CSMD2: variants seen among roughly 807,000 people sequenced by gnomAD.
The protein encoded by CSMD2 is CUB and Sushi multiple domains 2.
In CSMD2, 130 loss-of-function variants were observed where a neutral mutation model predicts 398.5. The observed-to-expected ratio is 0.33, with a 90% confidence interval of 0.28 to 0.38. The LOEUF (loss-of-function observed/expected upper bound fraction) is 0.38. Ranked by LOEUF, CSMD2 falls within the 10% of genes least tolerant of loss-of-function variation. The pLI, the probability that CSMD2 is intolerant of heterozygous loss-of-function variation, is 1.00. For missense variants in CSMD2, 3,829 were observed against 4,764.9 expected (o/e 0.80, Z 5.78); for synonymous variants, 1,828 against 1,908.5 (o/e 0.96, Z 1.10).
In CSMD2 at chr1:33,537,879, A is replaced by G. The variant is rs577587248; in HGVS notation, c.9632-270T>C. Among the ~76,000 whole-genome samples the G allele has an allele frequency of 6.6e-6, 1 of 152,366 alleles. No individual in the cohort carries two copies. The highest frequency in any genetic ancestry group is 2.4e-5 in the African/African-American group (1 of 41,588). On this transcript the variant is annotated intron_variant, in intron 60 of 70. Coordinates refer to ENST00000373381, the MANE Select transcript of CSMD2 (RefSeq NM_001281956.2). The surrounding 1 kb of genome is among the most constrained non-coding windows in gnomAD (Gnocchi z 4.6). Reference sequence around the variant, plus strand: ...GAAGTTTAGAACATGAAAGAGAAATAAACGAAAATCCCACTATTCAAAACT... The same window carrying G: ...GAAGTTTAGAACATGAAAGAGAAATGAACGAAAATCCCACTATTCAAAACT...
intron 3 of CSMD2, among the ~76,000 whole-genome samples, chr1:34,019,153 T>C (rs1023744883): frequency 3.3e-5 from 5 of 152,214 alleles, no homozygotes. Flanking sequence ...GTAAGGCACT[T>C]AGAAGAGTGC....
intron 9 of CSMD2, among the ~76,000 whole-genome samples, chr1:33,818,022 TCTC>T (rs1320982893): frequency 1.3e-5 from 2 of 152,180 alleles, no homozygotes; most frequent in African/African-American, 4.8e-5. Context: ...AACCAGCCCT[TCTC>T]CACCCTTGGC....
In CSMD2 at chr1:33,944,840, G is replaced by A. The variant is rs113795804; in HGVS notation, c.518-8886C>T. On this transcript the variant is annotated intron_variant, in intron 3 of 70. Transcript: ENST00000373381. ...ACCCAAGCTGCTTGATCTAAGGGCT[G>A]TGCCTTTTACCATGTTGTAATCTTG... is the stretch of plus-strand genomic sequence containing the variant. 4.4e-3 allele frequency among the ~76,000 whole-genome samples: 670 copies of A among 152,230 alleles called. 10 individuals are homozygous for A. The highest frequency in any genetic ancestry group is 0.015 in the African/African-American group (632 of 41,534).
At chr1:33,671,392 C>G (rs1438445668) in intron 25 of CSMD2, among the ~76,000 whole-genome samples, 1 of 152,126 alleles carries the variant, frequency 6.6e-6, no homozygotes, top group African/African-American at 2.4e-5. Flanking sequence ...CTGGGTCTCA[C>G]TGGGCCCCTG....
chr1:34,023,394 C>T (rs1339794985), intron 3 of CSMD2, among the ~76,000 whole-genome samples: 1 of 152,188 alleles, frequency 6.6e-6, no homozygotes, highest in Non-Finnish European at 1.5e-5. Flanking sequence ...GCCATATGCT[C>T]ACAGGACAGG....
intron 2 of CSMD2, among the ~76,000 whole-genome samples, chr1:34,079,728 C>G (rs1656840824): frequency 6.6e-6 from 1 of 152,010 alleles, no homozygotes; most frequent in South Asian, 2.1e-4. Flanking sequence ...AGGATGTTGA[C>G]AGAAAAATAC....
rs371025031 is a variant in CSMD2, at chr1:33,769,880, A to G, written c.1846+2689T>C. On this transcript the variant is annotated intron_variant, in intron 13 of 70. Transcript: ENST00000373381. ...TTGTGACTAATGTATTGGAAAATTT[A>G]GGGCACTTATGCTGACTTTTGCTAG... 1.1e-4 allele frequency among the ~76,000 whole-genome samples: 17 copies of G among 152,320 alleles called. No individual in the cohort carries two copies. In the South Asian group the frequency reaches 3.5e-3, roughly 32 times the overall value.
chr1:34,013,459 C>A (rs1418789375), intron 3 of CSMD2, among the ~76,000 whole-genome samples: 1 of 152,188 alleles, frequency 6.6e-6, no homozygotes, highest in African/African-American at 2.4e-5. Flanking sequence ...CTCCACTCAG[C>A]CAACATGTGC....
intron 25 of CSMD2, among the ~76,000 whole-genome samples, chr1:33,683,148 T>C (rs1316491389): frequency 6.6e-6 from 1 of 152,236 alleles, no homozygotes; most frequent in South Asian, 2.1e-4. Context: ...TGGATTTTAG[T>C]TGTTGCTGTG....
intron 3 of CSMD2, among the ~76,000 whole-genome samples, chr1:34,006,692 C>A (rs1647067832): frequency 6.6e-6 from 1 of 152,074 alleles, no homozygotes; most frequent in Admixed American, 6.6e-5. Flanking sequence ...TAGCACAATG[C>A]AAGGTGGGAT....
Position 33,772,651 on chromosome 1 carries a change from C to A in CSMD2, c.1764G>T (p.Gln588His). 1.9e-6 allele frequency: 3 copies of A among 1,614,170 alleles called. No individual in the cohort carries two copies. The Admixed American group carries it at 5.0e-5, about 27-fold the overall frequency. ...TCTGTCCCACCAGCTCAAAGGCGGG[C>A]TGGCACTCAAACTTGAGTGTGTCAC... ...HHGDTLKFEC[Q>H]PAFELVGQKA... The change falls in exon 13 of 71, where the codon CAG becomes CAT. Residue 588 changes from glutamine to histidine, a missense_variant. Transcript: ENST00000373381.
intron 10 of CSMD2, among the ~76,000 whole-genome samples, chr1:33,793,856 G>A (rs1179893625): frequency 6.6e-6 from 1 of 152,080 alleles, no homozygotes; most frequent in East Asian, 1.9e-4. Flanking sequence ...GCAGGTTTCT[G>A]GCTTGTGCAA....
chr1:33,828,267 G>T (rs1659047985), intron 6 of CSMD2, among the ~76,000 whole-genome samples: 1 of 152,216 alleles, frequency 6.6e-6, no homozygotes, highest in Non-Finnish European at 1.5e-5. Context: ...CATTATTCAA[G>T]CCTAGCTAAT....
At chr1:33,809,225 T>TTC (rs1456824883) in intron 10 of CSMD2, among the ~76,000 whole-genome samples, 2 of 151,812 alleles carry the variant, frequency 1.3e-5, no homozygotes, top group African/African-American at 4.8e-5. Context: ...AAAGGCAATA[T>TTC]GAAAAAACAA....
chr1:33,546,359 A>G (rs984900077), intron 56 of CSMD2, 140 bp from the exon 57 acceptor site: 45 of 760,486 alleles, frequency 5.9e-5, no homozygotes, highest in Non-Finnish European at 8.9e-5. Context: ...TTACCTGCAC[A>G]TGCTCCTGCC....
intron 3 of CSMD2, among the ~76,000 whole-genome samples, chr1:33,946,725 T>C (rs1463441625): frequency 2.0e-5 from 3 of 150,690 alleles, no homozygotes; most frequent in Non-Finnish European, 4.4e-5. Context: ...TTCAAGCGAG[T>C]CTCCTGCCTC....
intron 3 of CSMD2, among the ~76,000 whole-genome samples, chr1:33,971,222 A>G (rs1364908761): frequency 6.6e-6 from 1 of 152,210 alleles, no homozygotes; most frequent in East Asian, 1.9e-4. Flanking sequence ...CTGCAGATGA[A>G]CACCAGCCTT....
At chr1:33,823,450 T>C (rs751800294) in intron 7 of CSMD2, among the ~76,000 whole-genome samples, 2 of 152,168 alleles carry the variant, frequency 1.3e-5, no homozygotes, top group Middle Eastern at 3.4e-3. Context: ...TGCTTGTGTT[T>C]ACAGCATTGC....
At chr1:34,112,348 C>A (rs11585035) in intron 1 of CSMD2, among the ~76,000 whole-genome samples, 4,281 of 152,290 alleles carry the variant, frequency 0.028, 82 homozygotes, top group Non-Finnish European at 0.045. Flanking sequence ...TCACCCTGGG[C>A]TTCCCCAGTC....
Sources: gnomAD v4.1 joint callset for allele counts (sites outside exome capture counted in the v4.1 genomes callset) on GRCh38, gnomAD v4.1.1 for gene constraint, Gnocchi (gnomAD v3.1) non-coding constraint, MANE v1.5 for transcripts, NCBI Gene and HGNC (gene_info 2026-07-23, HGNC 2026-07-21) for gene names.